The following A2ML1 variants were observed in gnomAD, a reference collection of about 807,000 sequenced individuals.
A2ML1 encodes the protein alpha-2-macroglobulin-like protein 1.
Under a neutral mutation model 181.9 loss-of-function variants are expected in A2ML1, and 161 were observed. The ratio of observed to expected loss-of-function variants is 0.89; its 90% CI spans 0.78 to 1.01. The LOEUF is 1.01. Among genes scored for constraint, A2ML1 ranks in the 50% least tolerant of loss-of-function variants. The pLI, the probability that A2ML1 is intolerant of heterozygous loss-of-function variation, is 0.00. For missense variants in A2ML1, 1,670 were observed against 1,768.1 expected (o/e 0.94, Z 1.00); for synonymous variants, 663 against 666.8 (o/e 0.99, Z 0.09).
chr12:8,836,991 G>A (rs1285190137), intron 7 of A2ML1, among the ~76,000 whole-genome samples: 1 of 152,156 alleles, frequency 6.6e-6, no homozygotes, highest in Non-Finnish European at 1.5e-5. Context: ...GGAAGGGGAA[G>A]AGAGCTAGAG....
rs986436976 is a variant in A2ML1, at chr12:8,822,746, G to A, written c.62+33G>A. ...CTTGGTGTCAGAATTGGTTTATTAGGGCAGCGGCTTCTTCGCCTAACTTTC... is the reference window on the plus strand; with the variant it reads ...CTTGGTGTCAGAATTGGTTTATTAGAGCAGCGGCTTCTTCGCCTAACTTTC... On this transcript the variant is annotated intron_variant, in intron 1 of 35. Coordinates refer to ENST00000299698, the MANE Select transcript of A2ML1 (RefSeq NM_144670.6). 4 of 1,605,764 alleles carry A rather than the reference G, an allele frequency of 2.5e-6. No homozygotes were observed. In the Admixed American group the frequency reaches 6.7e-5, roughly 27 times the overall value.
Position 8,839,045 on chromosome 12 carries a change from T to G in A2ML1, c.971-68T>G, listed in dbSNP as rs1353361416. On this transcript the variant is annotated intron_variant, in intron 9 of 35. Transcript: ENST00000299698. ...CCTCTGCCACCATTCTCTCAGAGAC[T>G]TGACATTAAACGTGAAGATGAGAAT... 43 of 1,109,100 alleles carry G rather than the reference T, an allele frequency of 3.9e-5. 1 individual carries two copies. In the Admixed American group the frequency reaches 9.6e-4, roughly 25 times the overall value. 68.7% of individuals were successfully genotyped at this position (1,109,100 alleles called of 1,614,324 possible).
chr12:8,829,034 G>C (rs1403002552), intron 3 of A2ML1, among the ~76,000 whole-genome samples: 3 of 152,162 alleles, frequency 2.0e-5, no homozygotes, highest in African/African-American at 7.2e-5. Flanking sequence ...GCGGGGAGGG[G>C]GTGAATCAGC....
intron 8 of A2ML1, 90 bp from the exon 9 acceptor site, chr12:8,838,246 A>G (rs1001380699): frequency 1.1e-6 from 1 of 872,042 alleles, no homozygotes; most frequent in African/African-American, 1.7e-5. Context: ...GGAGATGAGA[A>G]ATTATTTCCT....
At chr12:8,847,098 CTTTTTTTTTTTTT>C (rs1212257948) in intron 14 of A2ML1, among the ~76,000 whole-genome samples, 2 of 93,302 alleles carry the variant, frequency 2.1e-5, no homozygotes, top group Admixed American at 1.2e-4. Flanking sequence ...CCATGCCTGG[CTTTTTTTTTTTTT>C]TTTTTTTTTG....
chr12:8,845,098 T>G, intron 12 of A2ML1: 16 of 1,447,380 alleles, frequency 1.1e-5, no homozygotes, highest in Non-Finnish European at 1.4e-5. Context: ...GGATAGATTT[T>G]CGCTGACTTT....
chr12:8,857,948 T>G lies in A2ML1; in HGVS notation c.3110T>G (p.Leu1037Arg). 6.2e-7 allele frequency: 1 copy of G among 1,614,066 alleles called. No individual in the cohort carries two copies. Among genetic ancestry groups the G allele is most frequent in the Non-Finnish European group, 8.5e-7 (1 of 1,179,958 alleles). ...TATTTTCCTCTTTACCCATGTAGGC[T>G]GACAGCGTTTGTCACAAAATGCTTT... ...GERDGNGNTW[L>R]TAFVTKCFGQ... Residue 1037 changes from leucine to arginine, a missense_variant and splice_region_variant, in exon 26 of 36, where the codon CTG becomes CGG. Transcript: ENST00000299698.
intron 7 of A2ML1, among the ~76,000 whole-genome samples, chr12:8,885,496 C>T (rs1007427332): frequency 3.3e-5 from 5 of 152,082 alleles, no homozygotes; most frequent in Admixed American, 6.6e-5. Context: ...CTCACTCTGT[C>T]ACCCAGGTTG....
At chr12:8,845,945 G>C in intron 13 of A2ML1, 132 bp from the exon 14 acceptor site, 1 of 852,934 alleles carries the variant, frequency 1.2e-6, no homozygotes, top group South Asian at 2.6e-5. Flanking sequence ...GTTATCACAG[G>C]AGAAGAGAAA....
chr12:8,866,393 C>T (rs4883190), intron 29 of A2ML1, among the ~76,000 whole-genome samples: 142,385 of 149,660 alleles, frequency 0.95, 68,148 homozygotes, highest in East Asian at 1. Context: ...TGGTACTATG[C>T]CTCCCTGTTT....
chr12:8,832,002 G>C (rs915448665), intron 4 of A2ML1, among the ~76,000 whole-genome samples: 4 of 152,046 alleles, frequency 2.6e-5, no homozygotes, highest in Non-Finnish European at 4.4e-5. Context: ...CGCCCGCCTC[G>C]GCCTCCCAAA....
At chr12:8,880,361 T>C (rs531514680), downstream of A2ML1, among the ~76,000 whole-genome samples, 3 of 151,936 alleles carry the variant, frequency 2.0e-5, no homozygotes, top group Non-Finnish European at 4.4e-5. Flanking sequence ...AGAGCAAGAC[T>C]GTCTAAAAAA....
At chr12:8,857,691 C>T in intron 25 of A2ML1, 103 bp downstream of exon 25, 4 of 1,307,420 alleles carry the variant, frequency 3.1e-6, no homozygotes, top group Middle Eastern at 1.8e-4. Context: ...TTCCTTCTTG[C>T]ACTCAGTCTT....
At chr12:8,859,653 A>T (rs1398372408) in intron 26 of A2ML1, among the ~76,000 whole-genome samples, 13 of 151,780 alleles carry the variant, frequency 8.6e-5, no homozygotes, top group Non-Finnish European at 1.5e-4. Flanking sequence ...GCTCACTGCA[A>T]CCTCTACCTC....
chr12:8,822,721 C>A lies in A2ML1; in HGVS notation c.62+8C>A. The A allele has an allele frequency of 6.2e-7, 1 of 1,613,934 alleles. No individual in the cohort carries two copies. Among genetic ancestry groups the A allele is most frequent in the Non-Finnish European group, 8.5e-7 (1 of 1,179,836 alleles). Reference sequence around the variant, plus strand: ...CATTGCAGAAGAACTTCCGTGAGTGCTTGGTGTCAGAATTGGTTTATTAGG... The same window carrying A: ...CATTGCAGAAGAACTTCCGTGAGTGATTGGTGTCAGAATTGGTTTATTAGG... On this transcript the variant is annotated splice_region_variant and intron_variant, in intron 1 of 35. Coordinates refer to ENST00000299698, the MANE Select transcript of A2ML1 (RefSeq NM_144670.6).
rs71045213 is a variant in A2ML1 at position 8,840,978 on chromosome 12, A to AGAAGGAAG, written c.1081-364_1081-357dup. On this transcript the variant is annotated intron_variant, in intron 10 of 35. Coordinates refer to ENST00000299698, the MANE Select transcript of A2ML1 (RefSeq NM_144670.6). ...AGGAAGGAAGGAAAGAAGGAAGGAAAGAAGGAAGGAAGGAAGGAAGGAAGG... is the reference window on the plus strand; with the variant it reads ...AGGAAGGAAGGAAAGAAGGAAGGAAAGAAGGAAGGAAGGAAGGAAGGAAGGAAGGAAGG... Among the ~76,000 whole-genome samples, 265 of 125,360 alleles carry AGAAGGAAG rather than the reference A, an allele frequency of 2.1e-3. 3 individuals are homozygous for AGAAGGAAG. Among genetic ancestry groups the AGAAGGAAG allele is most frequent in the African/African-American group, 7.1e-3 (221 of 31,334 alleles). 82.2% of individuals were successfully genotyped at this position (125,360 alleles called of 152,430 possible).
At chr12:8,870,969 T>C (rs1944603020) in intron 33 of A2ML1, among the ~76,000 whole-genome samples, 1 of 152,234 alleles carries the variant, frequency 6.6e-6, no homozygotes, top group South Asian at 2.1e-4. Context: ...TTCTCCCTTG[T>C]GTTCTTGATC....
intron 6 of A2ML1, 152 bp from the exon 7 acceptor site, chr12:8,836,103 C>G (rs1354712706): frequency 3.2e-6 from 2 of 618,132 alleles, no homozygotes; most frequent in African/African-American, 1.9e-5. Flanking sequence ...GATGCTGAAC[C>G]AGCTAATTAC....
intron 8 of A2ML1, among the ~76,000 whole-genome samples, 186 bp from the exon 9 acceptor site, chr12:8,838,150 A>G (rs1208321991): frequency 6.6e-6 from 1 of 152,178 alleles, no homozygotes; most frequent in East Asian, 1.9e-4. Context: ...CAAATCTTGG[A>G]GCTTCAAAGT....
Sources: gnomAD v4.1 joint callset for allele counts (sites outside exome capture counted in the v4.1 genomes callset) on GRCh38, gnomAD v4.1.1 for gene constraint, MANE v1.5 for transcripts, NCBI Gene and HGNC (gene_info 2026-07-23, HGNC 2026-07-21) for gene names.